HEYL: variants seen among roughly 807,000 people sequenced by gnomAD.
HEYL encodes hairy/enhancer-of-split related with YRPW motif-like protein.
In HEYL, 12 loss-of-function variants were observed where a neutral mutation model predicts 18.6. The ratio of observed to expected loss-of-function variants is 0.65; its 90% CI spans 0.41 to 1.05. The LOEUF is 1.05. HEYL is among the 50% of genes least tolerant of loss of function. HEYL has a pLI of 0.00. For missense variants in HEYL, 420 were observed against 444.7 expected (o/e 0.94, Z 0.50); for synonymous variants, 159 against 179.6 (o/e 0.89, Z 0.91).
At chr1:39,633,572 C>G (rs1424235943) in intron 1 of HEYL, 2 of 152,334 alleles carry the variant, frequency 1.3e-5, no homozygotes, top group Non-Finnish European at 2.9e-5. Flanking sequence ...CTATTCAGGC[C>G]TGGGTGGGTG....
intron 1 of HEYL, chr1:39,632,968 G>A: frequency 2.0e-6 from 2 of 981,886 alleles, no homozygotes; most frequent in Non-Finnish European, 2.4e-6. Flanking sequence ...CGCGGCGGCC[G>A]TCGGGGAACC....
intron 1 of HEYL, among the ~76,000 whole-genome samples, chr1:39,639,039 A>T (rs1288412124): frequency 6.6e-6 from 1 of 152,112 alleles, no homozygotes; most frequent in African/African-American, 2.4e-5. Flanking sequence ...AAGTCCCTAA[A>T]TCCAAACTCC....
At chr1:39,630,821 A>C (rs1330725301) in intron 3 of HEYL, among the ~76,000 whole-genome samples, 1 of 152,170 alleles carries the variant, frequency 6.6e-6, no homozygotes, top group Non-Finnish European at 1.5e-5. Flanking sequence ...AATGCTTCCT[A>C]AGCTTTCCAG....
At position 39,627,049 on chromosome 1, in the gene HEYL, G is replaced by A. The variant is rs1646304216; in HGVS notation, c.445C>T (p.Leu149Phe). The A allele has an allele frequency of 6.2e-7, 1 of 1,614,198 alleles. No individual in the cohort carries two copies. Among genetic ancestry groups the A allele is most frequent in the South Asian group, 1.1e-5 (1 of 91,092 alleles). ...GCGTAGCTGTTGAGGTGGGAGAGAA[G>A]GCGAATCCGGACGGGGTCTGCACGG... ...SSRADPVRIR[L>F]LSHLNSYAAE... Residue 149 changes from leucine (L) to phenylalanine (F), a missense_variant, in exon 5 of 5, where the codon CTT (leucine) becomes TTT (phenylalanine). Coordinates refer to ENST00000372852, the MANE Select transcript of HEYL (RefSeq NM_014571.4).
intron 4 of HEYL, among the ~76,000 whole-genome samples, chr1:39,628,824 G>A (rs747418662): frequency 4.0e-5 from 6 of 151,556 alleles, no homozygotes; most frequent in Non-Finnish European, 8.8e-5. Flanking sequence ...GGATGGTCTC[G>A]ATCTCCTGAC....
intron 2 of HEYL, 48 bp from the exon 3 acceptor site, chr1:39,631,627 T>C: frequency 1.3e-6 from 2 of 1,503,880 alleles, no homozygotes; most frequent in South Asian, 2.3e-5. Flanking sequence ...CATCACAGTT[T>C]CCAAAGTGCC....
intron 1 of HEYL, among the ~76,000 whole-genome samples, chr1:39,636,622 G>T (rs891469855): frequency 6.6e-6 from 1 of 152,100 alleles, no homozygotes; most frequent in Non-Finnish European, 1.5e-5. Context: ...ACATCATCCC[G>T]TCATGTAGAT....
rs966963024 is a variant in HEYL at position 39,626,521 on chromosome 1, T to A, written c.973A>T (p.Ile325Phe). 3 of 1,532,068 alleles carry A rather than the reference T, an allele frequency of 2.0e-6. No homozygotes were observed. In the Admixed American group the frequency reaches 6.5e-5, roughly 33 times the overall value. 94.9% of individuals were successfully genotyped at this position (1,532,068 alleles called of 1,614,324 possible). Residue 325 changes from isoleucine to phenylalanine, a missense_variant, in exon 5 of 5, where the codon ATC (isoleucine) becomes TTC (phenylalanine). By Grantham distance (21) the Ile-to-Phe change is conservative (BLOSUM62 0). Coordinates refer to ENST00000372852, the MANE Select transcript of HEYL (RefSeq NM_014571.4). ...YHSWVSEITE[I>F]GAF ...GAAGGGGCAGCTCAGAAAGCCCCGA[T>A]TTCAGTGATTTCAGAGACCCAGGAG... is the stretch of plus-strand genomic sequence containing the variant.
intron 3 of HEYL, among the ~76,000 whole-genome samples, chr1:39,631,106 T>C (rs1356688550): frequency 3.3e-5 from 5 of 152,170 alleles, no homozygotes; most frequent in Non-Finnish European, 5.9e-5. Context: ...CTTTTCCACT[T>C]TCAAGTCACT....
At chr1:39,627,229 T>C (rs766924683) in intron 4 of HEYL, 49 bp from the exon 5 acceptor site, 6 of 1,537,760 alleles carry the variant, frequency 3.9e-6, no homozygotes, top group African/African-American at 2.7e-5. Flanking sequence ...GGGAGAAGCA[T>C]GGAGCCTGGG....
chr1:39,626,914 C>T lies in HEYL; in HGVS notation c.580G>A (p.Ala194Thr), dbSNP rs753971979. ...GGGCTGGGCACTCTTCCCAGGATGG[C>T]GAGCTGGTTGCTCAGGGCTGGCAGC... ...PGLPALSNQL[A>T]ILGRVPSPVL... is the part of the protein sequence containing the mutation. Residue 194 changes from alanine (A) to threonine (T), a missense_variant, in exon 5 of 5, where the codon GCC (alanine) becomes ACC (threonine). Ala to Thr is a moderately conservative substitution (Grantham distance 58). Coordinates refer to ENST00000372852, the MANE Select transcript of HEYL (RefSeq NM_014571.4). 1.7e-5 allele frequency: 28 copies of T among 1,610,206 alleles called. No individual in the cohort carries two copies. In the South Asian group the frequency reaches 2.1e-4, roughly 12 times the overall value.
At position 39,624,915 on chromosome 1, in the gene HEYL, C is replaced by G. The variant is rs1020485859; in HGVS notation, c.*1592G>C. The G allele has an allele frequency of 3.3e-5, 5 of 152,202 alleles. No homozygotes were observed. Among genetic ancestry groups the G allele is most frequent in the Non-Finnish European group, 7.3e-5 (5 of 68,056 alleles). The allele number at this position is 152,202 out of a possible 1,614,324, so 9.4% of individuals were successfully genotyped here. On this transcript the variant is annotated 3_prime_UTR_variant, in exon 5 of 5. Coordinates refer to ENST00000372852, the MANE Select transcript of HEYL (RefSeq NM_014571.4). ...CTCTTATCCACTTCTTTGAAAGGGC[C>G]CTTTTCCCCAAGGTTTCTGCAAACT... is the stretch of plus-strand genomic sequence containing the variant.
chr1:39,636,154 G>A (rs1646361487), intron 1 of HEYL, among the ~76,000 whole-genome samples: 1 of 152,132 alleles, frequency 6.6e-6, no homozygotes, highest in African/African-American at 2.4e-5. Context: ...AGAGAGAACT[G>A]AGTCCATTTG....
chr1:39,627,503 T>C (rs1318746080), intron 4 of HEYL, among the ~76,000 whole-genome samples: 2 of 152,260 alleles, frequency 1.3e-5, no homozygotes, highest in South Asian at 2.1e-4. Context: ...TTGAAGTAGA[T>C]ACTTGACAGA....
chr1:39,631,013 G>C (rs1349433129), intron 3 of HEYL, among the ~76,000 whole-genome samples: 1 of 152,332 alleles, frequency 6.6e-6, no homozygotes, highest in South Asian at 2.1e-4. Flanking sequence ...GAGAATTTCT[G>C]AGGCTGAGTC....
intron 4 of HEYL, among the ~76,000 whole-genome samples, chr1:39,628,262 C>T (rs887723246): frequency 3.9e-5 from 6 of 152,148 alleles, no homozygotes; most frequent in Non-Finnish European, 8.8e-5. Context: ...CACCTTTCTG[C>T]GTTTGCTGTT....
chr1:39,627,044 G>C lies in HEYL; in HGVS notation c.450C>G (p.Leu150=). ...SRADPVRIRL[L]SHLNSYAAEM... is the part of the protein sequence containing the mutation. ...CGGCTGCGTAGCTGTTGAGGTGGGA[G>C]AGAAGGCGAATCCGGACGGGGTCTG... The change falls in exon 5 of 5, where the codon CTC becomes CTG. Residue 150 remains leucine, a synonymous_variant. Coordinates refer to ENST00000372852, the MANE Select transcript of HEYL (RefSeq NM_014571.4). 1 of 1,614,202 alleles carries C rather than the reference G, an allele frequency of 6.2e-7. No homozygotes were observed. The highest frequency in any genetic ancestry group is 8.5e-7 in the Non-Finnish European group (1 of 1,180,028).
chr1:39,629,161 T>C (rs767034527), intron 4 of HEYL, among the ~76,000 whole-genome samples: 1 of 152,250 alleles, frequency 6.6e-6, no homozygotes, highest in Non-Finnish European at 1.5e-5. Context: ...AACCCCCATC[T>C]TGCAGGTTCT....
intron 4 of HEYL, among the ~76,000 whole-genome samples, chr1:39,627,707 C>G (rs550351073): frequency 7.9e-5 from 12 of 152,338 alleles, no homozygotes; most frequent in Admixed American, 7.8e-4. Flanking sequence ...TGCTACTTAA[C>G]TAGCTGCCTG....
Sources: gnomAD v4.1 joint callset for allele counts (sites outside exome capture counted in the v4.1 genomes callset) on GRCh38, gnomAD v4.1.1 for gene constraint, MANE v1.5 for transcripts, NCBI Gene and HGNC (gene_info 2026-07-23, HGNC 2026-07-21) for gene names.